Variants in LRBA observed in about 807,000 individuals in gnomAD.
LRBA encodes LPS responsive beige-like anchor protein.
Under a neutral mutation model 330.0 loss-of-function variants are expected in LRBA, and 176 were observed. The ratio of observed to expected loss-of-function variants is 0.53; its 90% confidence interval spans 0.47 to 0.60. LRBA has a LOEUF of 0.60. Among genes scored for constraint, LRBA ranks in the 20% least tolerant of loss-of-function variants. LRBA has a pLI of 0.00. For missense variants in LRBA, 3,259 were observed against 3,444.8 expected (o/e 0.95, Z 1.35); for synonymous variants, 1,230 against 1,193.0 (o/e 1.03, Z -0.64).
At chr4:150,401,889 T>C (rs1280214677) in intron 47 of LRBA, among the ~76,000 whole-genome samples, 1 of 151,362 alleles carries the variant, frequency 6.6e-6, no homozygotes, top group Non-Finnish European at 1.5e-5. Flanking sequence ...ATACATATAC[T>C]ACAGAGAGGG....
At chr4:150,984,347 T>C (rs1741188583) in intron 2 of LRBA, among the ~76,000 whole-genome samples, 1 of 152,162 alleles carries the variant, frequency 6.6e-6, no homozygotes, top group Non-Finnish European at 1.5e-5. Flanking sequence ...CCATCTCTAC[T>C]AAAAATACAA....
chr4:150,859,560 CA>C (rs1428796069), intron 22 of LRBA, among the ~76,000 whole-genome samples: 1 of 152,092 alleles, frequency 6.6e-6, no homozygotes, highest in Admixed American at 6.5e-5. Context: ...ACCCTGAGAT[CA>C]AAGTAACCAA....
intron 2 of LRBA, among the ~76,000 whole-genome samples, chr4:150,941,853 C>T (rs1450772165): frequency 6.6e-6 from 1 of 150,796 alleles, no homozygotes; most frequent in Non-Finnish European, 1.5e-5. Flanking sequence ...AGCCATTGCA[C>T]TCCAGCCTGG....
At chr4:150,667,798 T>C (rs922649411) in intron 37 of LRBA, among the ~76,000 whole-genome samples, 2 of 152,144 alleles carry the variant, frequency 1.3e-5, no homozygotes, top group Non-Finnish European at 2.9e-5. Flanking sequence ...TGGCACCAGA[T>C]CACAGACTTC....
chr4:150,353,124 G>A (rs992690732), intron 47 of LRBA, among the ~76,000 whole-genome samples: 4 of 151,872 alleles, frequency 2.6e-5, no homozygotes, highest in African/African-American at 4.8e-5. Flanking sequence ...ATAAACTGCC[G>A]AAAAGCTCTA....
intron 38 of LRBA, among the ~76,000 whole-genome samples, chr4:150,593,283 A>C (rs1286212017): frequency 1.3e-5 from 2 of 152,210 alleles, no homozygotes; most frequent in Non-Finnish European, 2.9e-5. Flanking sequence ...AGAAATAATA[A>C]TAAGGCTAAT....
chr4:151,003,394 T>C lies in LRBA; in HGVS notation c.216+11033A>G, dbSNP rs1423839452. 1.4e-4 allele frequency among the ~76,000 whole-genome samples: 6 copies of C among 41,800 alleles called. No homozygotes were observed. The East Asian group carries it at 5.1e-3, about 36-fold the overall frequency. The allele number at this position is 41,800 out of a possible 152,430, so 27.4% of individuals were successfully genotyped here. A position where few individuals can be genotyped will look rare whatever the true frequency, so the allele number is the denominator to read the frequency against. ...CCTGGGTGAAAGCATGAGATTCGGT[T>C]TCAAAAAAAAAAAAAAAAACAAAAT... On this transcript the variant is annotated intron_variant, in intron 2 of 56. Transcript: ENST00000651943.
intron 44 of LRBA, among the ~76,000 whole-genome samples, chr4:150,443,476 A>T (rs1752108079): frequency 6.6e-6 from 1 of 152,200 alleles, no homozygotes; most frequent in Admixed American, 6.5e-5. Context: ...AGACTGGATT[A>T]AAAAATGTGG....
chr4:150,888,538 G>A (rs1729171549), intron 17 of LRBA, among the ~76,000 whole-genome samples: 1 of 151,934 alleles, frequency 6.6e-6, no homozygotes, highest in African/African-American at 2.4e-5. Flanking sequence ...CAGTTCCAAG[G>A]GTTCTATACT....
chr4:150,549,039 C>T (rs960470138), intron 40 of LRBA, among the ~76,000 whole-genome samples: 3 of 151,928 alleles, frequency 2.0e-5, no homozygotes, highest in Non-Finnish European at 2.9e-5. Flanking sequence ...ATGTTCCAAC[C>T]GTAAATATTT....
chr4:150,359,830 A>G (rs1561064789), intron 47 of LRBA, among the ~76,000 whole-genome samples: 1 of 152,026 alleles, frequency 6.6e-6, no homozygotes, highest in Non-Finnish European at 1.5e-5. Context: ...AATACAAAAA[A>G]TTAGCTGGGC....
In LRBA at chr4:150,963,092, C is replaced by T. The variant is rs141661893; in HGVS notation, c.217-34027G>A. 8.8e-4 allele frequency among the ~76,000 whole-genome samples: 128 copies of T among 144,956 alleles called. 2 individuals are homozygous for T. The highest frequency in any genetic ancestry group is 7.1e-3 in the Middle Eastern group (2 of 280). ...AGAAGCTTCTAGAAAATAACAAAAA[C>T]ATCAACTCAATATAAAAAGGGGCAA... On this transcript the variant is annotated intron_variant, in intron 2 of 56. Coordinates refer to ENST00000651943, the MANE Select transcript of LRBA (RefSeq NM_001364905.1).
rs1032608501 is a variant in LRBA, at chr4:150,940,939, T to A, written c.217-11874A>T. On this transcript the variant is annotated intron_variant, in intron 2 of 56. Coordinates refer to ENST00000651943, the MANE Select transcript of LRBA (RefSeq NM_001364905.1). ...ATAATTTATTATAATTTTCTAAATT[T>A]TATAGTTTGAAAGTCTTGAAGATCT... Among the ~76,000 whole-genome samples the A allele has an allele frequency of 9.2e-5, 14 of 152,154 alleles. No homozygotes were observed. The South Asian group carries it at 1.7e-3, about 18-fold the overall frequency.
chr4:150,417,120 A>G (rs1747881900), intron 46 of LRBA, among the ~76,000 whole-genome samples: 1 of 152,124 alleles, frequency 6.6e-6, no homozygotes, highest in South Asian at 2.1e-4. Flanking sequence ...CTTATATACA[A>G]AGTGATTTTT....
At chr4:150,874,551 T>C (rs934489454) in intron 17 of LRBA, among the ~76,000 whole-genome samples, 3 of 152,112 alleles carry the variant, frequency 2.0e-5, no homozygotes, top group African/African-American at 4.8e-5. Context: ...AGCTGCAATA[T>C]CTCCTGGACA....
intron 56 of LRBA, among the ~76,000 whole-genome samples, chr4:150,267,615 ACAGACAAAACCC>A (rs2126690424): frequency 6.6e-6 from 1 of 152,336 alleles, no homozygotes; most frequent in African/African-American, 2.4e-5. Context: ...GAACTAGAAA[ACAGACAAAACCC>A]CAGGCTAGGC....
Position 151,015,248 on chromosome 4 carries a change from A to T in LRBA, c.-266T>A, listed in dbSNP as rs1745295762. On this transcript the variant is annotated 5_prime_UTR_variant, in exon 1 of 57. Transcript: ENST00000651943. ...TCACCCCCCGCCCAGGAGCAGCGAGACCGAGGTGGCGGCGGAGATCCAGGG... is the reference window on the plus strand; with the variant it reads ...TCACCCCCCGCCCAGGAGCAGCGAGTCCGAGGTGGCGGCGGAGATCCAGGG... 6.5e-6 allele frequency: 1 copy of T among 152,976 alleles called. No individual in the cohort carries two copies. Among genetic ancestry groups the T allele is most frequent in the South Asian group, 2.1e-4 (1 of 4,830 alleles). 9.5% of individuals were successfully genotyped at this position (152,976 alleles called of 1,614,324 possible).
At chr4:150,758,600 G>A (rs1734641788) in intron 35 of LRBA, among the ~76,000 whole-genome samples, 1 of 144,274 alleles carries the variant, frequency 6.9e-6, no homozygotes. Context: ...TTGAGAAAGG[G>A]TCTCATTCTA....
At chr4:150,315,387 G>C in intron 51 of LRBA, 174 bp downstream of exon 51, 1 of 661,838 alleles carries the variant, frequency 1.5e-6, no homozygotes, top group Middle Eastern at 2.8e-4. Flanking sequence ...CAACGAGGGG[G>C]AGTTGATGAA....
Sources: gnomAD v4.1 joint callset for allele counts (sites outside exome capture counted in the v4.1 genomes callset) on GRCh38, gnomAD v4.1.1 for gene constraint, MANE v1.5 for transcripts, NCBI Gene and HGNC (gene_info 2026-07-23, HGNC 2026-07-21) for gene names.